Variants in SRGAP3 observed in about 807,000 individuals in gnomAD.
SRGAP3 encodes the protein SLIT-ROBO Rho GTPase activating protein 3, also known as SLIT-ROBO Rho GTPase-activating protein 3.
Under a neutral mutation model 121.1 loss-of-function variants are expected in SRGAP3, and 39 were observed. The ratio of observed to expected loss-of-function variants is 0.32; its 90% CI spans 0.25 to 0.42. SRGAP3 has a LOEUF of 0.42. SRGAP3 is among the 10% of genes least tolerant of loss of function. The pLI is 1.00. For missense variants in SRGAP3, 1,213 were observed against 1,470.6 expected, an observed-to-expected ratio of 0.82 and a Z score of 2.86; for synonymous variants, 601 against 570.0, an observed-to-expected ratio of 1.05 and a Z score of -0.77.
chr3:9,169,696 G>C (rs1386452187), intron 1 of SRGAP3, among the ~76,000 whole-genome samples: 1 of 152,230 alleles, frequency 6.6e-6, no homozygotes, highest in Non-Finnish European at 1.5e-5. Context: ...TTGTGAAGTT[G>C]ACAATGGCTT....
intron 3 of SRGAP3, among the ~76,000 whole-genome samples, chr3:9,305,410 T>C (rs1445635641): frequency 6.6e-6 from 1 of 151,342 alleles, no homozygotes; most frequent in Admixed American, 6.6e-5. Context: ...CTGTTTTTTA[T>C]TTTTATTTTT....
At chr3:9,338,799 G>T (rs916331310) in intron 1 of SRGAP3, among the ~76,000 whole-genome samples, 5 of 152,178 alleles carry the variant, frequency 3.3e-5, no homozygotes, top group Non-Finnish European at 7.3e-5. Flanking sequence ...CACATTTACA[G>T]AACACAAGTC....
At chr3:9,180,223 C>T (rs1362189148) in intron 1 of SRGAP3, among the ~76,000 whole-genome samples, 5 of 152,170 alleles carry the variant, frequency 3.3e-5, no homozygotes, top group Non-Finnish European at 5.9e-5. Flanking sequence ...GAGGAGGGAA[C>T]ACCCAAGGCT....
At chr3:9,089,860 G>T (rs1947670609) in intron 3 of SRGAP3, among the ~76,000 whole-genome samples, 1 of 152,162 alleles carries the variant, frequency 6.6e-6, no homozygotes, top group Non-Finnish European at 1.5e-5. Context: ...CTAAGCCAAT[G>T]AAGAATCTTC....
At chr3:8,997,992 C>A (rs1574872455) in intron 18 of SRGAP3, among the ~76,000 whole-genome samples, 1 of 152,122 alleles carries the variant, frequency 6.6e-6, no homozygotes, top group African/African-American at 2.4e-5. Flanking sequence ...AGCAATTCTT[C>A]CACCTCAGCC....
intron 1 of SRGAP3, among the ~76,000 whole-genome samples, chr3:9,181,956 C>T (rs1237242515): frequency 6.6e-6 from 1 of 152,118 alleles, no homozygotes; most frequent in African/African-American, 2.4e-5. Flanking sequence ...GGGTGGATTA[C>T]TTGAGGCCAG....
At chr3:9,312,404 G>A (rs1015270906) in intron 3 of SRGAP3, among the ~76,000 whole-genome samples, 2 of 152,132 alleles carry the variant, frequency 1.3e-5, no homozygotes, top group Non-Finnish European at 2.9e-5. Flanking sequence ...TGATCTGCCC[G>A]CCTCGGCCAC....
At chr3:9,143,665 C>T (rs1013351544) in intron 1 of SRGAP3, among the ~76,000 whole-genome samples, 9 of 152,108 alleles carry the variant, frequency 5.9e-5, no homozygotes, top group African/African-American at 2.2e-4. Context: ...ACTGTCAAAA[C>T]CATGATCATG....
rs552198880 is a variant in SRGAP3, at chr3:9,227,957, G to A, written c.67+20928C>T. Among the ~76,000 whole-genome samples the A allele has an allele frequency of 3.9e-4, 60 of 152,164 alleles. 1 individual carries two copies. Among genetic ancestry groups the A allele is most frequent in the Non-Finnish European group, 4.9e-4 (33 of 68,022 alleles). ...CATGGTGAAGTTTGAAAGGATGATG[G>A]TAAGTCGGAGGCAGTTTTCCATCAC... On this transcript the variant is annotated intron_variant, in intron 1 of 21. Transcript: ENST00000383836.
chr3:9,231,721 A>G (rs548630961), intron 1 of SRGAP3, among the ~76,000 whole-genome samples: 3 of 152,330 alleles, frequency 2.0e-5, no homozygotes, highest in East Asian at 3.9e-4. Flanking sequence ...CCCCACTGTA[A>G]TAGCAGCATG....
At chr3:9,358,548 C>T (rs1414439963) in intron 1 of SRGAP3, among the ~76,000 whole-genome samples, 15 of 152,184 alleles carry the variant, frequency 9.9e-5, no homozygotes, top group African/African-American at 3.6e-4. Flanking sequence ...AGTTCTGCAG[C>T]GGACACCAGC....
intron 21 of SRGAP3, among the ~76,000 whole-genome samples, chr3:8,989,657 C>T (rs979105995): frequency 1.4e-4 from 22 of 152,118 alleles, no homozygotes; most frequent in African/African-American, 5.1e-4. Context: ...AAAATGGAAA[C>T]TTCTCAAAAT....
At position 9,162,228 on chromosome 3, in the gene SRGAP3, C is replaced by T. The variant is rs561257020; in HGVS notation, c.68-37311G>A. The stretch of plus-strand genomic sequence containing the variant: ...TGGAGATGGATGTAGGTGACAGTTG[C>T]ACAAGAATTTGAATGTACTTAATGC... On this transcript the variant is annotated intron_variant, in intron 1 of 21. Transcript: ENST00000383836. Among the ~76,000 whole-genome samples, 3 of 152,184 alleles carry T rather than the reference C, an allele frequency of 2.0e-5. No individual in the cohort carries two copies. The East Asian group carries it at 5.8e-4, about 29-fold the overall frequency.
At chr3:9,160,779 C>A (rs1383603588) in intron 1 of SRGAP3, among the ~76,000 whole-genome samples, 5 of 152,184 alleles carry the variant, frequency 3.3e-5, no homozygotes, top group African/African-American at 9.7e-5. Flanking sequence ...CTGGCTTACA[C>A]AAAGTGCTTA....
In SRGAP3 at chr3:8,993,032, A is replaced by T; in HGVS notation, c.2432T>A (p.Leu811Gln). Residue 811 changes from leucine to glutamine, a missense_variant, in exon 20 of 22, where the codon CTG becomes CAG. Coordinates refer to ENST00000383836, the MANE Select transcript of SRGAP3 (RefSeq NM_014850.4). The part of the protein sequence containing the change: ...QDMDDAFSDS[L>Q]SQKADSEASS... The stretch of plus-strand genomic sequence containing the variant: ...GGCCTCGCTGTCAGCCTTCTGGCTC[A>T]GGCTGTCGGAGAAGGCATCATCCCT... The T allele has an allele frequency of 6.2e-7, 1 of 1,614,196 alleles. No homozygotes were observed. Among genetic ancestry groups the T allele is most frequent in the Non-Finnish European group, 8.5e-7 (1 of 1,180,040 alleles).
intron 3 of SRGAP3, among the ~76,000 whole-genome samples, chr3:9,089,167 G>A (rs1947631174): frequency 6.6e-6 from 1 of 151,966 alleles, no homozygotes. Flanking sequence ...GGGATTACAG[G>A]TATGAGTCAC....
chr3:9,343,984 G>C (rs994189187), intron 1 of SRGAP3, among the ~76,000 whole-genome samples: 6 of 152,054 alleles, frequency 3.9e-5, no homozygotes, highest in African/African-American at 1.4e-4. Context: ...AATTAGTCTT[G>C]GGAACAATTT....
chr3:9,181,577 G>A (rs757798673), intron 1 of SRGAP3, among the ~76,000 whole-genome samples: 48 of 152,276 alleles, frequency 3.2e-4, no homozygotes, highest in African/African-American at 6.0e-4. Flanking sequence ...CTAGCTGCCC[G>A]CAAGGGATGC....
At chr3:8,991,578 T>C (rs1942058330) in intron 20 of SRGAP3, among the ~76,000 whole-genome samples, 1 of 152,222 alleles carries the variant, frequency 6.6e-6, no homozygotes, top group East Asian at 1.9e-4. Flanking sequence ...GCCCACTTTA[T>C]TAATCTGTGA....
Sources: allele counts gnomAD v4.1 joint callset (sites outside exome capture counted in the v4.1 genomes callset), GRCh38; gene constraint gnomAD v4.1.1; transcripts MANE v1.5; gene names NCBI Gene and HGNC (gene_info 2026-07-23, HGNC 2026-07-21).